Variants in CDH2 observed in about 807,000 individuals in gnomAD.
CDH2 encodes cadherin 2.
A neutral mutation model predicts 92.0 loss-of-function variants in CDH2; 17 were observed. The observed-to-expected ratio is 0.18, with a 90% CI of 0.13 to 0.28. CDH2 has a LOEUF of 0.28. Ranked by LOEUF, CDH2 falls within the 10% of genes least tolerant of loss-of-function variation. The pLI, the probability that CDH2 is intolerant of heterozygous loss-of-function variation, is 1.00. For synonymous variants in CDH2, 419 were observed against 415.9 expected (o/e 1.01, Z -0.09); for missense variants, 862 against 1,133.1 (o/e 0.76, Z 3.44).
chr18:28,100,588 G>A (rs547588229), intron 2 of CDH2, among the ~76,000 whole-genome samples: 2 of 141,980 alleles, frequency 1.4e-5, no homozygotes, highest in Non-Finnish European at 1.5e-5. Flanking sequence ...TACCATGCTG[G>A]GCTACCAGGA....
chr18:27,945,823 C>T (rs1909255533), intron 6 of CDH2, among the ~76,000 whole-genome samples: 1 of 152,124 alleles, frequency 6.6e-6, no homozygotes. Context: ...TACCAATCCA[C>T]TGTTACAGTG....
chr18:28,074,104 C>G (rs952933049), intron 2 of CDH2, among the ~76,000 whole-genome samples: 3 of 151,970 alleles, frequency 2.0e-5, no homozygotes, highest in Non-Finnish European at 4.4e-5. Flanking sequence ...TTGAAGTTAA[C>G]AAAAATACTT....
At chr18:28,016,743 A>T (rs1026675918) in intron 2 of CDH2, among the ~76,000 whole-genome samples, 1 of 152,194 alleles carries the variant, frequency 6.6e-6, no homozygotes, top group African/African-American at 2.4e-5. Context: ...CTAAAGCTTT[A>T]ATATAAAACA....
At position 28,013,723 on chromosome 18, in the gene CDH2, T is replaced by A; in HGVS notation, c.359A>T (p.Lys120Ile). ...AGTTAAGGTTGGCTTCAGGCTCAATTTTACTGCCACTTGCCACTTTTCCTG... is the reference window on the plus strand; with the variant it reads ...AGTTAAGGTTGGCTTCAGGCTCAATATTACTGCCACTTGCCACTTTTCCTG... ...ETQEKWQVAV[K>I]LSLKPTLTEE... The change falls in exon 3 of 16, where the codon AAA becomes ATA. Residue 120 changes from lysine to isoleucine, a missense_variant. Physicochemically the swap from Lys to Ile is moderately radical, Grantham distance 102 (BLOSUM62 -3). Coordinates refer to ENST00000269141, the MANE Select transcript of CDH2 (RefSeq NM_001792.5). 1 of 1,613,974 alleles carries A rather than the reference T, an allele frequency of 6.2e-7. No homozygotes were observed. Among genetic ancestry groups the A allele is most frequent in the Non-Finnish European group, 8.5e-7 (1 of 1,179,906 alleles).
At chr18:28,016,462 G>A (rs2013248469) in intron 2 of CDH2, among the ~76,000 whole-genome samples, 1 of 144,412 alleles carries the variant, frequency 6.9e-6, no homozygotes, top group Admixed American at 7.0e-5. Flanking sequence ...CAAAACCCAG[G>A]GACTTCAAAA....
At chr18:28,039,927 T>C (rs913390292) in intron 2 of CDH2, among the ~76,000 whole-genome samples, 1 of 152,210 alleles carries the variant, frequency 6.6e-6, no homozygotes, top group African/African-American at 2.4e-5. Context: ...CTTTTAACTA[T>C]ATGCTGATGA....
At chr18:28,077,039 T>C (rs2014733907) in intron 2 of CDH2, among the ~76,000 whole-genome samples, 1 of 152,160 alleles carries the variant, frequency 6.6e-6, no homozygotes, top group Non-Finnish European at 1.5e-5. Flanking sequence ...GAAGCACCTA[T>C]TCATCTTCTA....
chr18:28,097,074 C>T (rs552984489), intron 2 of CDH2: 19 of 152,198 alleles, frequency 1.2e-4, no homozygotes, highest in Non-Finnish European at 2.2e-4. Flanking sequence ...TCTGTATTTC[C>T]AGTACACTCT....
At chr18:28,101,220 T>G (rs887992781) in intron 2 of CDH2, among the ~76,000 whole-genome samples, 1 of 152,260 alleles carries the variant, frequency 6.6e-6, no homozygotes, top group East Asian at 1.9e-4. Flanking sequence ...ACCTTAGCAG[T>G]TTGCTTCCCA....
chr18:28,135,104 G>A (rs1319113571), intron 2 of CDH2, among the ~76,000 whole-genome samples: 3 of 152,190 alleles, frequency 2.0e-5, no homozygotes, highest in Non-Finnish European at 2.9e-5. Flanking sequence ...TCAGCATTAT[G>A]TGAAAATAGA....
intron 6 of CDH2, among the ~76,000 whole-genome samples, chr18:27,945,594 T>C (rs1909250805): frequency 6.6e-6 from 1 of 151,998 alleles, no homozygotes; most frequent in Non-Finnish European, 1.5e-5. Flanking sequence ...TACAATGCGG[T>C]AAACATGAGA....
At chr18:27,933,146 C>T (rs561884336) in intron 6 of CDH2, among the ~76,000 whole-genome samples, 15 of 152,148 alleles carry the variant, frequency 9.9e-5, no homozygotes, top group African/African-American at 3.4e-4. Context: ...AAATGAAAAG[C>T]CAGCATCTCA....
At chr18:27,958,497 ATATT>A (rs890461493) in intron 15 of CDH2, among the ~76,000 whole-genome samples, 14 of 140,974 alleles carry the variant, frequency 9.9e-5, no homozygotes, top group East Asian at 1.9e-4. Context: ...ACAAATATAC[ATATT>A]TATATATGTA....
chr18:28,160,047 A>C (rs2016282906), intron 1 of CDH2, among the ~76,000 whole-genome samples: 1 of 152,130 alleles, frequency 6.6e-6, no homozygotes, highest in African/African-American at 2.4e-5. Flanking sequence ...TAACATCAAA[A>C]GGCTTAAATT....
At chr18:28,043,483 T>TATATATATAA (rs2013998692) in intron 2 of CDH2, among the ~76,000 whole-genome samples, 1 of 76,694 alleles carries the variant, frequency 1.3e-5, no homozygotes, top group East Asian at 5.0e-4. Context: ...TATATATATA[T>TATATATATAA]ATATATATAT....
chr18:28,009,924 A>T (rs761098007), intron 4 of CDH2, 52 bp from the exon 5 acceptor site: 341 of 1,448,692 alleles, frequency 2.4e-4, no homozygotes, highest in Non-Finnish European at 3.2e-4. Context: ...TGAGCTCATT[A>T]TCAGAGATGG....
chr18:28,097,706 C>T lies in CDH2; in HGVS notation c.172+49967G>A, dbSNP rs995812502. ...CATTTTTTATCAGAGATTTGAGCAT[C>T]TGCAGATTTTGGTATCCAAAGGGGT... On this transcript the variant is annotated intron_variant, in intron 2 of 15. Transcript: ENST00000269141. Among the ~76,000 whole-genome samples the T allele has an allele frequency of 9.2e-5, 14 of 152,290 alleles. No individual in the cohort carries two copies. In the South Asian group the frequency reaches 2.9e-3, roughly 32 times the overall value.
chr18:28,174,114 CA>C (rs1172195137), intron 1 of CDH2, among the ~76,000 whole-genome samples: 1 of 152,110 alleles, frequency 6.6e-6, no homozygotes, highest in African/African-American at 2.4e-5. Flanking sequence ...CTTCAGTTAA[CA>C]ATTCAAGGCA....
chr18:27,946,254 GAATA>G (rs1485101560), downstream of CDH2, among the ~76,000 whole-genome samples: 4 of 151,768 alleles, frequency 2.6e-5, no homozygotes, highest in East Asian at 1.9e-4. Context: ...ATAACCAAAT[GAATA>G]AATATTCTGT....
Sources: allele counts gnomAD v4.1 joint callset (sites outside exome capture counted in the v4.1 genomes callset), GRCh38; gene constraint gnomAD v4.1.1; transcripts MANE v1.5; gene names NCBI Gene and HGNC (gene_info 2026-07-23, HGNC 2026-07-21).